Variants in ACTN1 observed in about 807,000 individuals in gnomAD.
ACTN1 encodes actinin alpha 1, also known as alpha-actinin-1.
A neutral mutation model predicts 119.6 loss-of-function variants in ACTN1; 30 were observed. That is an observed-to-expected ratio of 0.25 (90% CI 0.19 to 0.34). ACTN1 has a LOEUF of 0.34. Ranked by LOEUF, ACTN1 falls within the 10% of genes least tolerant of loss-of-function variation. The pLI is 1.00. For synonymous variants in ACTN1, 429 were observed against 472.6 expected, an observed-to-expected ratio of 0.91 and a Z score of 1.20; for missense variants, 764 against 1,223.4, an observed-to-expected ratio of 0.62 and a Z score of 5.60.
In ACTN1 at chr14:68,911,981, C is replaced by T. The variant is rs2180458; in HGVS notation, c.427+175G>A. Among the ~76,000 whole-genome samples, 27,072 of 152,182 alleles carry T rather than the reference C, an allele frequency of 0.18. 3,256 individuals are homozygous for T. The highest frequency in any genetic ancestry group is 0.63 in the East Asian group (3,271 of 5,174). ...TGCCTATGAGAATCAGAATGGCAAA[C>T]AGTTCTTTTTTCTACATTGACTGGA... On this transcript the variant is annotated intron_variant, in intron 4 of 21. Transcript: ENST00000394419.
At chr14:68,937,574 C>T (rs1470632777) in intron 1 of ACTN1, among the ~76,000 whole-genome samples, 2 of 152,218 alleles carry the variant, frequency 1.3e-5, no homozygotes, top group Non-Finnish European at 1.5e-5. Flanking sequence ...AGCAATCACA[C>T]ACATCTCCCC....
At chr14:68,930,655 G>T (rs527641868) in intron 1 of ACTN1, among the ~76,000 whole-genome samples, 11 of 152,278 alleles carry the variant, frequency 7.2e-5, no homozygotes, top group Non-Finnish European at 1.5e-4. Context: ...GCAAATCCAG[G>T]CCTATCAGCT....
chr14:68,903,927 G>A (rs1248824307), intron 7 of ACTN1, among the ~76,000 whole-genome samples: 1 of 152,160 alleles, frequency 6.6e-6, no homozygotes, highest in African/African-American at 2.4e-5. Context: ...TGGTAAGGAT[G>A]TTCTAGTGTC....
chr14:68,920,865 C>T (rs920931282), intron 3 of ACTN1, 141 bp downstream of exon 3: 10 of 1,177,754 alleles, frequency 8.5e-6, no homozygotes, highest in East Asian at 7.2e-5. Flanking sequence ...CCTCCACAGG[C>T]GACCAGATGG....
At chr14:68,948,145 C>T (rs2036001139) in intron 1 of ACTN1, among the ~76,000 whole-genome samples, 1 of 152,154 alleles carries the variant, frequency 6.6e-6, no homozygotes. Context: ...AGGAAGTTGG[C>T]CTTCTGCAGG....
At position 68,884,285 on chromosome 14, in the gene ACTN1, G is replaced by A. The variant is rs1390396004; in HGVS notation, c.1518C>T (p.Thr506=). Residue 506 remains threonine (T), a synonymous_variant, in exon 14 of 22, where the codon ACC becomes ACT. Transcript: ENST00000394419. ...CATACTCCAAGTACAGCTGGTCAAT[G>A]GTCTCCAGCAGTTTCTCGGTCCGCT... ...ALERTEKLLE[T]IDQLYLEYAK... The A allele has an allele frequency of 1.9e-6, 3 of 1,614,076 alleles. No homozygotes were observed. The highest frequency in any genetic ancestry group is 1.3e-5 in the African/African-American group (1 of 75,026).
intron 1 of ACTN1, among the ~76,000 whole-genome samples, chr14:68,972,353 G>A (rs2036916807): frequency 6.6e-6 from 1 of 152,084 alleles, no homozygotes; most frequent in South Asian, 2.1e-4. Flanking sequence ...ACAGAGAAGG[G>A]GACACACAAA....
chr14:68,930,398 A>G (rs2035170849), intron 1 of ACTN1, among the ~76,000 whole-genome samples: 1 of 152,232 alleles, frequency 6.6e-6, no homozygotes, highest in Non-Finnish European at 1.5e-5. Flanking sequence ...CACTGCCTGA[A>G]TTTTAGATTC....
chr14:68,921,946 G>A (rs2034673070), intron 2 of ACTN1, among the ~76,000 whole-genome samples: 1 of 152,074 alleles, frequency 6.6e-6, no homozygotes, highest in Admixed American at 6.6e-5. Flanking sequence ...AAAGGTAGAG[G>A]AGCTGGCTCT....
At chr14:68,972,771 T>C (rs552620540) in intron 1 of ACTN1, among the ~76,000 whole-genome samples, 5 of 152,244 alleles carry the variant, frequency 3.3e-5, no homozygotes, top group Non-Finnish European at 7.3e-5. Context: ...GCTGGCTGCG[T>C]GGGCCTGGAG....
At chr14:68,877,052 C>T (rs757882380) in intron 21 of ACTN1, 30 bp downstream of exon 21, 10 of 1,612,602 alleles carry the variant, frequency 6.2e-6, no homozygotes, top group Non-Finnish European at 1.7e-6. Flanking sequence ...CCTGCCACCC[C>T]AGCACAGTGC....
intron 21 of ACTN1, among the ~76,000 whole-genome samples, chr14:68,876,357 C>T (rs1015531262): frequency 3.7e-4 from 56 of 152,274 alleles, no homozygotes; most frequent in African/African-American, 1.3e-3. Context: ...CTGAACAGAA[C>T]ACAGACCCTA....
chr14:68,927,594 G>A (rs555928662), intron 1 of ACTN1, among the ~76,000 whole-genome samples: 1 of 152,232 alleles, frequency 6.6e-6, no homozygotes, highest in South Asian at 2.1e-4. Flanking sequence ...AATGCTCTCA[G>A]GGCAGGGGGT....
chr14:68,951,293 C>A (rs996526922), intron 1 of ACTN1, among the ~76,000 whole-genome samples: 8 of 152,180 alleles, frequency 5.3e-5, no homozygotes, highest in African/African-American at 1.9e-4. Context: ...TGGCCCAATC[C>A]CAGGGGCCCA....
intron 1 of ACTN1, among the ~76,000 whole-genome samples, chr14:68,975,370 T>C (rs1683568895): frequency 6.6e-6 from 1 of 152,188 alleles, no homozygotes; most frequent in South Asian, 2.1e-4. Context: ...GAAAATAAAA[T>C]TTAACAGCAG....
chr14:68,881,194 A>G, intron 16 of ACTN1: 1 of 540,148 alleles, frequency 1.9e-6, no homozygotes, highest in Non-Finnish European at 3.3e-6. Context: ...GAGGTATATA[A>G]CAAGCACTGT....
chr14:68,923,366 C>G (rs892092906), intron 2 of ACTN1, among the ~76,000 whole-genome samples: 7 of 152,124 alleles, frequency 4.6e-5, no homozygotes, highest in African/African-American at 1.7e-4. Context: ...GGGCAGGGCA[C>G]AGTCCACTCA....
chr14:68,875,051 G>A (rs1212275179), intron 21 of ACTN1, 34 bp from the exon 22 acceptor site: 15 of 1,607,928 alleles, frequency 9.3e-6, no homozygotes, highest in African/African-American at 1.3e-5. Context: ...AGGCCGCAAA[G>A]TCCAGCAGCC....
chr14:68,897,394 T>C (rs955779981), intron 8 of ACTN1, among the ~76,000 whole-genome samples: 7 of 152,238 alleles, frequency 4.6e-5, no homozygotes, highest in African/African-American at 1.7e-4. Context: ...TGAACTATTA[T>C]TATCCCTGGA....
Sources: allele counts gnomAD v4.1 joint callset (sites outside exome capture counted in the v4.1 genomes callset), GRCh38; gene constraint gnomAD v4.1.1; transcripts MANE v1.5; gene names NCBI Gene and HGNC (gene_info 2026-07-23, HGNC 2026-07-21).